The following ATP6V1C1 variants were observed in gnomAD, a reference collection of about 807,000 sequenced individuals.
ATP6V1C1 encodes the protein V-type proton ATPase subunit C 1.
ATP6V1C1 carries 45 observed loss-of-function variants against 53.9 expected under a neutral mutation model. That is an observed-to-expected ratio of 0.83 (90% CI 0.66 to 1.07). The LOEUF (loss-of-function observed/expected upper bound fraction) is 1.07, where lower values mean the gene tolerates loss of function less well. ATP6V1C1 is among the 50% of genes least tolerant of loss of function. The pLI is 0.00. For synonymous variants in ATP6V1C1, 153 were observed against 155.2 expected (o/e 0.99, Z 0.11); for missense variants, 315 against 440.3 (o/e 0.72, Z 2.55).
chr8:103,027,571 A>G (rs1158634142), intron 1 of ATP6V1C1, among the ~76,000 whole-genome samples: 1 of 151,376 alleles, frequency 6.6e-6, no homozygotes, highest in Non-Finnish European at 1.5e-5. Context: ...AAAATAATCC[A>G]TAGCCTTCAA....
At chr8:103,061,509 C>T (rs1382537645) in intron 8 of ATP6V1C1, among the ~76,000 whole-genome samples, 2 of 152,048 alleles carry the variant, frequency 1.3e-5, no homozygotes, top group Non-Finnish European at 2.9e-5. Flanking sequence ...TTTCCTTTTT[C>T]TGATTTCAGA....
chr8:103,047,629 A>C (rs1418004477), intron 3 of ATP6V1C1, among the ~76,000 whole-genome samples: 1 of 152,140 alleles, frequency 6.6e-6, no homozygotes, highest in African/African-American at 2.4e-5. Flanking sequence ...GTGTATCTGC[A>C]ATCTGGCATC....
intron 12 of ATP6V1C1, 140 bp downstream of exon 12, chr8:103,066,587 G>A: frequency 1.1e-6 from 1 of 937,656 alleles, no homozygotes; most frequent in Non-Finnish European, 1.5e-6. Context: ...AATTTGTTAT[G>A]TAAACATAGT....
chr8:103,070,120 C>A lies in ATP6V1C1; in HGVS notation c.*1373C>A, dbSNP rs932206422. ...CTTGCTTTTTTGCTTAAGAGTATAT[C>A]TAAGAGAATCCTTTGTGTCAGTGAA... On this transcript the variant is annotated 3_prime_UTR_variant, in exon 13 of 13. Coordinates refer to ENST00000518738, the MANE Select transcript of ATP6V1C1 (RefSeq NM_001695.5). The A allele has an allele frequency of 6.6e-6, 1 of 152,200 alleles. No individual in the cohort carries two copies. Among genetic ancestry groups the A allele is most frequent in the African/African-American group, 2.4e-5 (1 of 41,444 alleles). 9.4% of individuals were successfully genotyped at this position (152,200 alleles called of 1,614,324 possible).
At chr8:103,045,668 A>G (rs925589715) in intron 3 of ATP6V1C1, among the ~76,000 whole-genome samples, 14 of 152,088 alleles carry the variant, frequency 9.2e-5, no homozygotes, top group South Asian at 2.1e-4. Flanking sequence ...TGGGCCGGGC[A>G]TGGTGGCTCA....
intron 1 of ATP6V1C1, among the ~76,000 whole-genome samples, chr8:103,022,893 TA>T (rs1436059760): frequency 1.3e-5 from 2 of 151,676 alleles, no homozygotes; most frequent in African/African-American, 2.4e-5. Context: ...CTACCAAAAA[TA>T]AAAAAATAAC....
intron 4 of ATP6V1C1, among the ~76,000 whole-genome samples, chr8:103,049,372 A>G (rs1817159931): frequency 6.6e-6 from 1 of 152,212 alleles, no homozygotes; most frequent in African/African-American, 2.4e-5. Flanking sequence ...AAGCTTTAGA[A>G]CAGAAATTAT....
intron 8 of ATP6V1C1, among the ~76,000 whole-genome samples, chr8:103,060,964 AG>A (rs560640426): frequency 1.9e-3 from 285 of 152,358 alleles, no homozygotes; most frequent in African/African-American, 6.6e-3. Context: ...TAAGTTTAAA[AG>A]ATTACTATGA....
intron 12 of ATP6V1C1, 62 bp from the exon 13 acceptor site, chr8:103,068,590 C>T (rs1303880014): frequency 3.8e-6 from 5 of 1,302,680 alleles, no homozygotes; most frequent in African/African-American, 3.0e-5. Flanking sequence ...AATGTTAATA[C>T]TTGCTTTCTT....
At position 103,068,882 on chromosome 8, in the gene ATP6V1C1, C is replaced by T. The variant is rs956192257; in HGVS notation, c.*135C>T. 19 of 519,242 alleles carry T rather than the reference C, an allele frequency of 3.7e-5. No individual in the cohort carries two copies. The highest frequency in any genetic ancestry group is 3.2e-4 in the African/African-American group (16 of 50,694). 32.2% of individuals were successfully genotyped at this position (519,242 alleles called of 1,614,324 possible). A position where few individuals can be genotyped will look rare whatever the true frequency, so the allele number is the denominator to read the frequency against. ...GCCCTTTCCTAGGTGAATTCTCCCA[C>T]AGTGGTCTGTATCTCAACATTTTCT... On this transcript the variant is annotated 3_prime_UTR_variant, in exon 13 of 13. Coordinates refer to ENST00000518738, the MANE Select transcript of ATP6V1C1 (RefSeq NM_001695.5).
intron 1 of ATP6V1C1, 26 bp from the exon 2 acceptor site, chr8:103,040,771 AT>A (rs774559203): frequency 4.5e-6 from 7 of 1,547,072 alleles, no homozygotes; most frequent in African/African-American, 1.4e-5. Context: ...TTTAAATGTG[AT>A]TTTTTTTATT....
chr8:103,061,306 C>G (rs1183046631), intron 8 of ATP6V1C1, among the ~76,000 whole-genome samples: 1 of 152,130 alleles, frequency 6.6e-6, no homozygotes, highest in Non-Finnish European at 1.5e-5. Flanking sequence ...AGGGAGGTGC[C>G]CCTGCTGGCT....
At chr8:103,054,363 G>A (rs1452207931) in intron 7 of ATP6V1C1, among the ~76,000 whole-genome samples, 1 of 152,038 alleles carries the variant, frequency 6.6e-6, no homozygotes, top group African/African-American at 2.4e-5. Flanking sequence ...AGCACTGTAA[G>A]AAGCAAAGAA....
intron 3 of ATP6V1C1, among the ~76,000 whole-genome samples, chr8:103,047,424 G>GCA (rs1491224552): frequency 3.4e-5 from 2 of 58,576 alleles, no homozygotes; most frequent in East Asian, 3.0e-4. Context: ...AAAAAAAAAT[G>GCA]CGCGCGCACA....
At chr8:103,040,413 C>CA (rs34987267) in intron 1 of ATP6V1C1, among the ~76,000 whole-genome samples, 37,962 of 132,138 alleles carry the variant, frequency 0.29, 5,431 homozygotes, top group Admixed American at 0.42. Context: ...GACACTGTCT[C>CA]AAAAAAAAAA....
intron 2 of ATP6V1C1, among the ~76,000 whole-genome samples, chr8:103,041,220 T>G (rs1220058409): frequency 6.6e-6 from 1 of 152,250 alleles, no homozygotes; most frequent in Non-Finnish European, 1.5e-5. Context: ...TTTGATGTGT[T>G]ACATTCACAA....
chr8:103,047,464 A>ACACACACACATT (rs137856477), intron 3 of ATP6V1C1, among the ~76,000 whole-genome samples: 2 of 125,604 alleles, frequency 1.6e-5, no homozygotes, highest in African/African-American at 2.9e-5. Context: ...ACACACACAC[A>ACACACACACATT]TTTTTTTTTT....
intron 6 of ATP6V1C1, 62 bp from the exon 7 acceptor site, chr8:103,053,822 T>C: frequency 2.5e-6 from 3 of 1,215,136 alleles, no homozygotes; most frequent in Non-Finnish European, 3.6e-6. Context: ...AGCCTGCTGT[T>C]TCTTTACTTG....
At chr8:103,051,204 T>TAGTGA in intron 5 of ATP6V1C1, 60 bp downstream of exon 5, 2 of 1,229,990 alleles carry the variant, frequency 1.6e-6, no homozygotes, top group East Asian at 2.5e-5. Flanking sequence ...GCTTATTTTA[T>TAGTGA]AATTTCACTA....
Sources: gnomAD v4.1 joint callset for allele counts (sites outside exome capture counted in the v4.1 genomes callset) on GRCh38, gnomAD v4.1.1 for gene constraint, MANE v1.5 for transcripts, NCBI Gene and HGNC (gene_info 2026-07-23, HGNC 2026-07-21) for gene names.